SPAM1: variants seen among roughly 807,000 people sequenced by gnomAD.
SPAM1 encodes the protein sperm adhesion molecule 1.
In SPAM1, 22 loss-of-function variants were observed where a neutral mutation model predicts 29.6. That is an observed-to-expected ratio of 0.74 (90% CI 0.53 to 1.06). SPAM1 has a LOEUF of 1.06. Among genes scored for constraint, SPAM1 ranks in the 50% least tolerant of loss-of-function variants. The probability of loss-of-function intolerance (pLI) is 0.00; values close to 1 mark genes in which losing one functional copy is unlikely to be tolerated. For missense variants in SPAM1, 534 were observed against 604.0 expected (o/e 0.88, Z 1.21); for synonymous variants, 194 against 204.6 (o/e 0.95, Z 0.44).
intron 1 of SPAM1, among the ~76,000 whole-genome samples, chr7:123,926,856 G>T (rs982330860): frequency 9.9e-5 from 15 of 152,160 alleles, no homozygotes; most frequent in African/African-American, 3.6e-4. Context: ...TCTTAGATAG[G>T]AGATTTTAGA....
At chr7:123,969,983 G>A (rs1792476504) in intron 5 of SPAM1, among the ~76,000 whole-genome samples, 2 of 151,972 alleles carry the variant, frequency 1.3e-5, no homozygotes, top group Admixed American at 6.6e-5. Flanking sequence ...CTTTTTCCTA[G>A]AGTGGTGGTC....
intron 5 of SPAM1, among the ~76,000 whole-genome samples, chr7:123,965,694 G>T (rs1482109683): frequency 6.6e-6 from 1 of 152,004 alleles, no homozygotes; most frequent in East Asian, 1.9e-4. Context: ...ATGCTATTTT[G>T]GTTACTGTAG....
intron 6 of SPAM1, chr7:123,970,360 A>G (rs994327995): frequency 8.3e-7 from 1 of 1,206,944 alleles, no homozygotes; most frequent in Non-Finnish European, 1.2e-6. Context: ...TTCCCCTTAT[A>G]AGGACACCAG....
chr7:123,942,503 A>G (rs1350387934), intron 1 of SPAM1, among the ~76,000 whole-genome samples: 3 of 152,244 alleles, frequency 2.0e-5, no homozygotes, highest in African/African-American at 7.2e-5. Flanking sequence ...GTCTTATTAT[A>G]CTTGGCCATA....
intron 1 of SPAM1, among the ~76,000 whole-genome samples, chr7:123,948,743 T>C (rs1808669149): frequency 6.6e-6 from 1 of 152,122 alleles, no homozygotes; most frequent in African/African-American, 2.4e-5. Flanking sequence ...TCAAAATCTA[T>C]AACAATTTTA....
chr7:123,958,392 C>A (rs1792291160), intron 4 of SPAM1, among the ~76,000 whole-genome samples: 1 of 152,092 alleles, frequency 6.6e-6, no homozygotes, highest in Non-Finnish European at 1.5e-5. Context: ...ATCGCTCATA[C>A]TCTGCCAAAT....
chr7:123,950,476 C>G (rs114384170), intron 2 of SPAM1, among the ~76,000 whole-genome samples: 2,380 of 152,086 alleles, frequency 0.016, 55 homozygotes, highest in African/African-American at 0.054. Context: ...TCCATGAGTA[C>G]TCATTGTTTA....
intron 1 of SPAM1, among the ~76,000 whole-genome samples, chr7:123,933,770 G>A (rs1359548670): frequency 3.9e-5 from 6 of 152,104 alleles, no homozygotes; most frequent in Non-Finnish European, 8.8e-5. Context: ...AGTGGGCAAA[G>A]AATCTGAATA....
chr7:123,966,503 A>G (rs1168858811), intron 5 of SPAM1, among the ~76,000 whole-genome samples: 1 of 152,052 alleles, frequency 6.6e-6, no homozygotes, highest in Non-Finnish European at 1.5e-5. Flanking sequence ...CACAATAGCA[A>G]AGACGTAATC....
intron 1 of SPAM1, among the ~76,000 whole-genome samples, chr7:123,948,578 G>A (rs1452157269): frequency 6.6e-6 from 1 of 152,098 alleles, no homozygotes; most frequent in Non-Finnish European, 1.5e-5. Context: ...GGAGACTGAG[G>A]AGGTGCCTTG....
chr7:123,929,750 C>T (rs895789250), intron 1 of SPAM1, among the ~76,000 whole-genome samples: 1 of 152,064 alleles, frequency 6.6e-6, no homozygotes, highest in African/African-American at 2.4e-5. Context: ...TGCTGTGTAT[C>T]CCTGGGGCCT....
chr7:123,966,128 T>G (rs1206448053), intron 5 of SPAM1, among the ~76,000 whole-genome samples: 1 of 152,016 alleles, frequency 6.6e-6, no homozygotes, highest in Non-Finnish European at 1.5e-5. Context: ...CAGATATTTC[T>G]TGAAAGAAGA....
chr7:123,961,210 G>A (rs559237142), downstream of SPAM1, among the ~76,000 whole-genome samples: 4 of 151,800 alleles, frequency 2.6e-5, no homozygotes, highest in Non-Finnish European at 4.4e-5. Context: ...TTGAACATAT[G>A]CAATGTTATT....
intron 1 of SPAM1, among the ~76,000 whole-genome samples, chr7:123,927,368 A>AGAGAACATGAGATATCTCAT (rs1807920318): frequency 6.6e-6 from 1 of 152,200 alleles, no homozygotes; most frequent in South Asian, 2.1e-4. Flanking sequence ...GCTTTGCAGG[A>AGAGAACATGAGATATCTCAT]GTTCAATGGC....
In SPAM1 at chr7:123,959,655, G is replaced by A. The variant is rs1482258063; in HGVS notation, c.1216G>A (p.Ala406Thr). The A allele has an allele frequency of 6.2e-7, 1 of 1,613,272 alleles. No individual in the cohort carries two copies. Residue 406 changes from alanine (A) to threonine (T), a missense_variant, in exon 5 of 5, where the codon GCT becomes ACT. Physicochemically the swap from Ala to Thr is moderately conservative, Grantham distance 58. Coordinates refer to ENST00000682466, the MANE Select transcript of SPAM1 (RefSeq NM_153189.3). The stretch of plus-strand genomic sequence containing the variant: ...TCTTCACCTCAACCCAGATAATTTT[G>A]CTATTCAACTTGAGAAAGGTGGAAA... ...DYLHLNPDNF[A>T]IQLEKGGKFT... is the part of the protein sequence containing the mutation.
At chr7:123,942,340 A>G (rs1482024975) in intron 1 of SPAM1, among the ~76,000 whole-genome samples, 2 of 152,226 alleles carry the variant, frequency 1.3e-5, no homozygotes, top group African/African-American at 4.8e-5. Context: ...CAACAGGTGT[A>G]CTACAGTTAT....
At chr7:123,957,028 C>T (rs912957138) in intron 4 of SPAM1, among the ~76,000 whole-genome samples, 1 of 151,888 alleles carries the variant, frequency 6.6e-6, no homozygotes, top group Admixed American at 6.6e-5. Context: ...CTTTGTGTAA[C>T]CCTTGTCTCT....
intron 5 of SPAM1, among the ~76,000 whole-genome samples, chr7:123,966,324 T>C (rs528495345): frequency 6.6e-6 from 1 of 151,914 alleles, no homozygotes; most frequent in African/African-American, 2.4e-5. Context: ...TGTTGGGGAG[T>C]GTGCAAATTA....
At chr7:123,943,640 A>G in intron 1 of SPAM1, among the ~76,000 whole-genome samples, 1 of 152,284 alleles carries the variant, frequency 6.6e-6, no homozygotes, top group East Asian at 1.9e-4. Context: ...AATATCTCTT[A>G]TAAACTTTAG....
Sources: allele counts gnomAD v4.1 joint callset (sites outside exome capture counted in the v4.1 genomes callset), GRCh38; gene constraint gnomAD v4.1.1; transcripts MANE v1.5; gene names NCBI Gene and HGNC (gene_info 2026-07-23, HGNC 2026-07-21).